The following SNTG1 variants were observed in gnomAD, a reference collection of about 807,000 sequenced individuals.
SNTG1 encodes gamma-1-syntrophin.
SNTG1 carries 39 observed loss-of-function variants against 74.7 expected under a neutral mutation model. The ratio of observed to expected loss-of-function variants is 0.52; its 90% CI spans 0.40 to 0.68. SNTG1 has a LOEUF of 0.68. SNTG1 is among the 30% of genes least tolerant of loss of function. The pLI is 0.00. For missense variants in SNTG1, 685 were observed against 609.5 expected (o/e 1.12, Z -1.30); for synonymous variants, 254 against 217.1 (o/e 1.17, Z -1.49).
chr8:50,103,310 C>A (rs2080223439), intron 1 of SNTG1, among the ~76,000 whole-genome samples: 1 of 152,134 alleles, frequency 6.6e-6, no homozygotes, highest in Non-Finnish European at 1.5e-5. Flanking sequence ...GTATTTTATT[C>A]TCTTTGAAGC....
chr8:50,734,964 T>TATGG (rs774436911), intron 17 of SNTG1, among the ~76,000 whole-genome samples: 1 of 60,682 alleles, frequency 1.6e-5, no homozygotes, highest in African/African-American at 1.5e-4. Context: ...TATCTATATA[T>TATGG]CCATATATAT....
chr8:50,076,478 A>G (rs1048917429), intron 1 of SNTG1, among the ~76,000 whole-genome samples: 2 of 152,196 alleles, frequency 1.3e-5, no homozygotes, highest in Non-Finnish European at 2.9e-5. Flanking sequence ...AGTGGACTAT[A>G]AAATATGACC....
intron 2 of SNTG1, among the ~76,000 whole-genome samples, chr8:50,331,339 A>G (rs917580536): frequency 6.6e-6 from 1 of 152,212 alleles, no homozygotes; most frequent in Non-Finnish European, 1.5e-5. Context: ...AGGGAATCAG[A>G]AGAAAAATCT....
At chr8:50,561,776 A>C (rs1282224164) in intron 12 of SNTG1, among the ~76,000 whole-genome samples, 1 of 152,216 alleles carries the variant, frequency 6.6e-6, no homozygotes, top group Non-Finnish European at 1.5e-5. Flanking sequence ...ATTTTAACCT[A>C]TAGGGCTAGT....
chr8:49,953,166 C>T (rs1809872478), intron 1 of SNTG1, among the ~76,000 whole-genome samples: 1 of 152,128 alleles, frequency 6.6e-6, no homozygotes, highest in African/African-American at 2.4e-5. Flanking sequence ...TTGAAGAACT[C>T]CAACATTTAG....
chr8:50,753,644 A>T (rs2095573164), intron 18 of SNTG1, among the ~76,000 whole-genome samples: 1 of 151,892 alleles, frequency 6.6e-6, no homozygotes, highest in Non-Finnish European at 1.5e-5. Flanking sequence ...GTATACTAGA[A>T]ATTACCTGTC....
chr8:50,369,840 G>T (rs186667941), intron 2 of SNTG1, among the ~76,000 whole-genome samples: 1 of 152,292 alleles, frequency 6.6e-6, no homozygotes, highest in East Asian at 1.9e-4. Context: ...GATGCCAAGT[G>T]TCATTCTAGG....
intron 1 of SNTG1, among the ~76,000 whole-genome samples, chr8:49,919,832 T>C (rs1806371511): frequency 2.0e-5 from 3 of 152,076 alleles, no homozygotes; most frequent in Admixed American, 6.6e-5. Context: ...TATTTCCCTT[T>C]TGTTTTCCTG....
At chr8:50,611,822 A>G (rs1386402806) in intron 13 of SNTG1, among the ~76,000 whole-genome samples, 1 of 152,126 alleles carries the variant, frequency 6.6e-6, no homozygotes, top group Non-Finnish European at 1.5e-5. Flanking sequence ...TCTGGAGTGC[A>G]GTGGAATGAT....
intron 4 of SNTG1, among the ~76,000 whole-genome samples, chr8:50,431,210 G>C (rs973394402): frequency 1.3e-5 from 2 of 152,142 alleles, no homozygotes; most frequent in African/African-American, 4.8e-5. Context: ...AATGTATAAT[G>C]GTATGCAATT....
chr8:50,122,119 TACAGATACACAC>T lies in SNTG1; in HGVS notation c.-102-50438_-102-50427del, dbSNP rs563782570. Reference sequence around the variant, plus strand: ...TAGGGACCCCCAGTGTCCTCTGCCATACAGATACACACACACCTTGTAAGTTGTGCCCATGGT... The same window carrying T: ...TAGGGACCCCCAGTGTCCTCTGCCATACACCTTGTAAGTTGTGCCCATGGT... On this transcript the variant is annotated intron_variant, in intron 1 of 18. Coordinates refer to ENST00000642720, the MANE Select transcript of SNTG1 (RefSeq NM_018967.5). Among the ~76,000 whole-genome samples the T allele has an allele frequency of 3.1e-3, 440 of 141,202 alleles. 54 individuals carry two copies. The highest frequency in any genetic ancestry group is 0.011 in the African/African-American group (416 of 39,054). 92.6% of individuals were successfully genotyped at this position (141,202 alleles called of 152,430 possible).
chr8:50,255,707 T>G (rs1001779009), intron 2 of SNTG1, among the ~76,000 whole-genome samples: 7 of 152,188 alleles, frequency 4.6e-5, no homozygotes, highest in Admixed American at 1.3e-4. Context: ...TATCAGAACA[T>G]CATTTGCATT....
chr8:50,026,933 G>C (rs967217091), intron 1 of SNTG1, among the ~76,000 whole-genome samples: 2 of 152,160 alleles, frequency 1.3e-5, no homozygotes, highest in African/African-American at 4.8e-5. Flanking sequence ...AAATGTGCTT[G>C]CTTGACAGTG....
At chr8:50,199,118 GT>G (rs1586664484) in intron 2 of SNTG1, among the ~76,000 whole-genome samples, 1 of 151,442 alleles carries the variant, frequency 6.6e-6, no homozygotes, top group East Asian at 1.9e-4. Context: ...TTCTGTAAAA[GT>G]TTTTATTTTT....
chr8:50,030,699 G>C (rs1279455723), intron 1 of SNTG1, among the ~76,000 whole-genome samples: 1 of 151,720 alleles, frequency 6.6e-6, no homozygotes, highest in Admixed American at 6.6e-5. Context: ...TTGTTTCATT[G>C]ATCTATTGTC....
At chr8:50,353,680 T>A (rs973432730) in intron 2 of SNTG1, among the ~76,000 whole-genome samples, 2 of 152,168 alleles carry the variant, frequency 1.3e-5, no homozygotes, top group African/African-American at 4.8e-5. Flanking sequence ...GTGGTGTGCT[T>A]TTATGTTGTT....
chr8:50,701,642 C>CTGTT (rs1563761434), intron 15 of SNTG1, among the ~76,000 whole-genome samples: 17 of 145,198 alleles, frequency 1.2e-4, no homozygotes, highest in African/African-American at 4.4e-4. Context: ...TCTTCTTCTT[C>CTGTT]CTCCTCTTTT....
chr8:50,330,350 C>T (rs2090914714), intron 2 of SNTG1, among the ~76,000 whole-genome samples: 1 of 152,152 alleles, frequency 6.6e-6, no homozygotes, highest in African/African-American at 2.4e-5. Flanking sequence ...TCAATTAAAG[C>T]TCTTTTCTTT....
intron 18 of SNTG1, among the ~76,000 whole-genome samples, chr8:50,769,335 G>T (rs1291217024): frequency 1.3e-5 from 2 of 151,898 alleles, no homozygotes; most frequent in African/African-American, 4.8e-5. Flanking sequence ...ACGAAGAGAA[G>T]AATTGTAAAT....
Sources: allele counts gnomAD v4.1 joint callset (sites outside exome capture counted in the v4.1 genomes callset), GRCh38; gene constraint gnomAD v4.1.1; transcripts MANE v1.5; gene names NCBI Gene and HGNC (gene_info 2026-07-23, HGNC 2026-07-21).